Variants in PLPPR3 observed in about 807,000 individuals in gnomAD.
PLPPR3 encodes the protein phospholipid phosphatase-related protein type 3.
In PLPPR3, 14 loss-of-function variants were observed where a neutral mutation model predicts 27.3. That is an observed-to-expected ratio of 0.51 (90% CI 0.34 to 0.80). The LOEUF (loss-of-function observed/expected upper bound fraction) is 0.80, where lower values mean the gene tolerates loss of function less well. PLPPR3 is among the 30% of genes least tolerant of loss of function. The pLI, the probability that PLPPR3 is intolerant of heterozygous loss-of-function variation, is 0.01. For synonymous variants in PLPPR3, 671 were observed against 508.0 expected (o/e 1.32, Z -4.32); for missense variants, 1,287 against 1,056.9 (o/e 1.22, Z -3.02).
Position 813,915 on chromosome 19 carries a change from G to A in PLPPR3, c.832-20C>T. 7.0e-7 allele frequency: 1 copy of A among 1,422,786 alleles called. No individual in the cohort carries two copies. The highest frequency in any genetic ancestry group is 9.1e-7 in the Non-Finnish European group (1 of 1,095,962). The allele number at this position is 1,422,786 out of a possible 1,614,324, so 88.1% of individuals were successfully genotyped here. On this transcript the variant is annotated intron_variant, in intron 7 of 7. Transcript: ENST00000520876. The surrounding 1 kb of genome is among the most constrained non-coding windows in gnomAD (Gnocchi z 4.1). ...GCAGGCCTGTCGGGGAGAGGGGTCTGGGGGTGAGGCCTGGGGCTCAGAGGG... is the reference window on the plus strand; with the variant it reads ...GCAGGCCTGTCGGGGAGAGGGGTCTAGGGGTGAGGCCTGGGGCTCAGAGGG...
chr19:814,144 G>A (rs535132320), intron 7 of PLPPR3, among the ~76,000 whole-genome samples: 12 of 151,980 alleles, frequency 7.9e-5, no homozygotes, highest in African/African-American at 2.7e-4. Context: ...AGACCCCTTC[G>A]GGACCCACGT....
chr19:822,640 T>A (rs112560887), upstream of PLPPR3, among the ~76,000 whole-genome samples: 11,640 of 152,182 alleles, frequency 0.076, 626 homozygotes, highest in Middle Eastern at 0.11. Flanking sequence ...GGCTGCGGGA[T>A]GCGGGCAGGG....
Position 812,947 on chromosome 19 carries a change from G to A in PLPPR3, c.1780C>T (p.His594Tyr), listed in dbSNP as rs750432427. 1 of 1,400,214 alleles carries A rather than the reference G, an allele frequency of 7.1e-7. No homozygotes were observed. Among genetic ancestry groups the A allele is most frequent in the South Asian group, 1.4e-5 (1 of 72,840 alleles). 86.7% of individuals were successfully genotyped at this position (1,400,214 alleles called of 1,614,324 possible). A position where few individuals can be genotyped will look rare whatever the true frequency, so the allele number is the denominator to read the frequency against. The change falls in exon 8 of 8, where the codon CAC (histidine) becomes TAC (tyrosine). Residue 594 changes from histidine to tyrosine, a missense_variant. His to Tyr is a moderately conservative substitution (Grantham distance 83). Coordinates refer to ENST00000520876, the MANE Select transcript of PLPPR3 (RefSeq NM_001270366.2). ...DAHAPHHPVVHLSAGGAPWEW... is the reference protein window; with the variant it reads ...DAHAPHHPVVYLSAGGAPWEW... ...CAGGGCGCGCCGCCGGCCGACAGGT[G>A]CACCACGGGGTGGTGCGGCGCGTGC...
In PLPPR3 at chr19:813,371, C is replaced by T. The variant is rs1207473854; in HGVS notation, c.1356G>A (p.Glu452=). ...EEEEEEDEEE[E]EEEEEEEDEG... ...CGTCCTCCTCCTCTTCCTCCTCCTC[C>T]TCTTCCTCTTCGTCCTCCTCCTCTT... The change falls in exon 8 of 8, where the codon GAG becomes GAA. Residue 452 remains glutamate, a synonymous_variant. Transcript: ENST00000520876. This position sits in a 1 kb window ranked among gnomAD's most constrained non-coding sequence, Gnocchi z 4.1. 2.0e-6 allele frequency: 3 copies of T among 1,494,922 alleles called. No individual in the cohort carries two copies. The highest frequency in any genetic ancestry group is 2.5e-5 in the East Asian group (1 of 39,284). The allele number at this position is 1,494,922 out of a possible 1,614,324, so 92.6% of individuals were successfully genotyped here. A position where few individuals can be genotyped will look rare whatever the true frequency, so the allele number is the denominator to read the frequency against.
Position 812,820 on chromosome 19 carries a change from C to A in PLPPR3, c.1907G>T (p.Gly636Val). ...GCTGACCGACGAGCCGGGGGACACG[C>A]CCGGGGGCTTGGCCCCGCCGCGGAA... Reference protein sequence around the residue: ...RGFRGGAKPPGVSPGSSVSDV... With the variant: ...RGFRGGAKPPVVSPGSSVSDV... Residue 636 changes from glycine to valine, a missense_variant, in exon 8 of 8, where the codon GGC (glycine) becomes GTC (valine). Gly to Val is a moderately radical substitution (Grantham distance 109, BLOSUM62 -3). Coordinates refer to ENST00000520876, the MANE Select transcript of PLPPR3 (RefSeq NM_001270366.2). The A allele has an allele frequency of 9.0e-7, 1 of 1,107,694 alleles. No homozygotes were observed. The highest frequency in any genetic ancestry group is 3.5e-5 in the South Asian group (1 of 28,268). The allele number at this position is 1,107,694 out of a possible 1,614,324, so 68.6% of individuals were successfully genotyped here. A position where few individuals can be genotyped will look rare whatever the true frequency, so the allele number is the denominator to read the frequency against.
Position 814,716 on chromosome 19 carries a change from T to C in PLPPR3, c.633A>G (p.Ser211=), listed in dbSNP as rs370872033. The C allele has an allele frequency of 6.3e-6, 10 of 1,589,770 alleles. No homozygotes were observed. The South Asian group carries it at 1.0e-4, about 16-fold the overall frequency. ...CCGACACATAGACCGCGGCGAAGGC[T>C]GACAGCGTGGCGTGCTGGGACGGGA... ...KTFPSQHATL[S]AFAAVYVSMY... is the part of the protein sequence containing the mutation. The change falls in exon 6 of 8, where the codon TCA becomes TCG. Residue 211 remains serine, a synonymous_variant. Transcript: ENST00000520876.
intron 2 of PLPPR3, among the ~76,000 whole-genome samples, chr19:818,926 T>C (rs2035103995): frequency 6.6e-6 from 1 of 150,428 alleles, no homozygotes; most frequent in African/African-American, 2.5e-5. Flanking sequence ...CCCAAAGCAC[T>C]GGAATTACAG....
rs371525827 is a variant in PLPPR3, at chr19:814,996, G to T, written c.489C>A (p.Leu163=). 1.6e-5 allele frequency: 25 copies of T among 1,612,234 alleles called. No individual in the cohort carries two copies. In the East Asian group the frequency reaches 2.2e-4, roughly 14 times the overall value. The part of the protein sequence containing the change: ...LATGYHTPFF[L]TVCKPNYTLL... ...GAGTGTAGTTGGGCTTGCAGACGGT[G>T]AGGAAGAAGGGAGTGTGGTAACCCG... Residue 163 remains leucine (L), a synonymous_variant, in exon 5 of 8, where the codon CTC becomes CTA. Coordinates refer to ENST00000520876, the MANE Select transcript of PLPPR3 (RefSeq NM_001270366.2).
Position 815,869 on chromosome 19 carries a change from G to C in PLPPR3, c.76-18C>G. 6.2e-7 allele frequency: 1 copy of C among 1,610,114 alleles called. No individual in the cohort carries two copies. The highest frequency in any genetic ancestry group is 8.5e-7 in the Non-Finnish European group (1 of 1,178,402). ...ATGGGCAGCTGTGGGGACAAGGTGG[G>C]CCAGGTTCACCCTGCTCTCCCTCGC... On this transcript the variant is annotated intron_variant, in intron 2 of 7. Coordinates refer to ENST00000520876, the MANE Select transcript of PLPPR3 (RefSeq NM_001270366.2).
At position 814,738 on chromosome 19, in the gene PLPPR3, G is replaced by A. The variant is rs1466127951; in HGVS notation, c.611C>T (p.Pro204Leu). The A allele has an allele frequency of 6.3e-6, 10 of 1,575,782 alleles. No individual in the cohort carries two copies. Among genetic ancestry groups the A allele is most frequent in the South Asian group, 3.4e-5 (3 of 87,434 alleles). ...HAILSARKTF[P>L]SQHATLSAFA... ...GGCTGACAGCGTGGCGTGCTGGGAC[G>A]GGAAGGTCTTCCTGTAAGAGGCGTC... The change falls in exon 6 of 8, where the codon CCG becomes CTG. Residue 204 changes from proline (P) to leucine (L), a missense_variant. Pro to Leu is a moderately conservative substitution (Grantham distance 98). Transcript: ENST00000520876.
At chr19:822,830 C>G (rs1041709577), upstream of PLPPR3, among the ~76,000 whole-genome samples, 12 of 152,182 alleles carry the variant, frequency 7.9e-5, no homozygotes, top group African/African-American at 2.9e-4. Context: ...TTACAAAAAT[C>G]GGTTTTTGGG....
upstream of PLPPR3, among the ~76,000 whole-genome samples, chr19:822,632 C>A (rs539163576): frequency 6.6e-6 from 1 of 152,194 alleles, no homozygotes; most frequent in African/African-American, 2.4e-5. Flanking sequence ...GGGCTGGGGG[C>A]TGCGGGATGC....
At position 813,984 on chromosome 19, in the gene PLPPR3, C is replaced by T. The variant is rs963550049; in HGVS notation, c.832-89G>A. The T allele has an allele frequency of 3.7e-5, 49 of 1,324,796 alleles. No individual in the cohort carries two copies. The highest frequency in any genetic ancestry group is 4.5e-5 in the Non-Finnish European group (46 of 1,014,136). 82.1% of individuals were successfully genotyped at this position (1,324,796 alleles called of 1,614,324 possible). A position where few individuals can be genotyped will look rare whatever the true frequency, so the allele number is the denominator to read the frequency against. ...TGGACTTGCCGCGGGGGGCTCTGGACCGGGGGTGGGGGCTGGCAAGCTCTT... is the reference window on the plus strand; with the variant it reads ...TGGACTTGCCGCGGGGGGCTCTGGATCGGGGGTGGGGGCTGGCAAGCTCTT... On this transcript the variant is annotated intron_variant, in intron 7 of 7. Coordinates refer to ENST00000520876, the MANE Select transcript of PLPPR3 (RefSeq NM_001270366.2). The surrounding 1 kb of genome is among the most constrained non-coding windows in gnomAD (Gnocchi z 4.1).
Position 813,846 on chromosome 19 carries a change from G to A in PLPPR3, c.881C>T (p.Ala294Val), listed in dbSNP as rs545727080. 3.4e-6 allele frequency: 5 copies of A among 1,468,456 alleles called. No individual in the cohort carries two copies. In the East Asian group the frequency reaches 7.7e-5, roughly 23 times the overall value. The allele number at this position is 1,468,456 out of a possible 1,614,324, so 91.0% of individuals were successfully genotyped here. A position where few individuals can be genotyped will look rare whatever the true frequency, so the allele number is the denominator to read the frequency against. Residue 294 changes from alanine (A) to valine (V), a missense_variant, in exon 8 of 8, where the codon GCG becomes GTG. Coordinates refer to ENST00000520876, the MANE Select transcript of PLPPR3 (RefSeq NM_001270366.2). The surrounding 1 kb of genome is among the most constrained non-coding windows in gnomAD (Gnocchi z 4.1). ...NFQAPPAEKP[A>V]APAPAKDALR... ...CGCGTCCTTGGCGGGGGCCGGGGCC[G>A]CGGGCTTCTCTGCAGGTGGGGCCTG...
chr19:814,924 G>T lies in PLPPR3; in HGVS notation c.561C>A (p.Ile187=), dbSNP rs1157042275. The part of the protein sequence containing the change: ...CEVNPYITQD[I]CSGHDIHAIL... ...TGGCGTGGATGTCGTGGCCGGAGCA[G>T]ATGTCCTGCGTGATGTAGGGGTTGA... Residue 187 remains isoleucine (I), a synonymous_variant, in exon 5 of 8, where the codon ATC becomes ATA. Transcript: ENST00000520876. The T allele has an allele frequency of 8.1e-6, 13 of 1,611,972 alleles. No individual in the cohort carries two copies. The highest frequency in any genetic ancestry group is 1.1e-5 in the Non-Finnish European group (13 of 1,179,938).
chr19:821,983 A>T, upstream of PLPPR3: 1 of 129,444 alleles, frequency 7.7e-6, no homozygotes, highest in Non-Finnish European at 1.7e-5. Flanking sequence ...CGGGAAGGGG[A>T]GGGGGACGGG....
upstream of PLPPR3, among the ~76,000 whole-genome samples, chr19:823,450 A>AACAAAAAAAAAAC (rs1555703880): frequency 1.4e-5 from 2 of 143,838 alleles, no homozygotes; most frequent in African/African-American, 5.1e-5. Flanking sequence ...TCAAAAAAAA[A>AACAAAAAAAAAAC]AAAAAAAACA....
intron 2 of PLPPR3, among the ~76,000 whole-genome samples, chr19:817,551 G>A (rs2035080810): frequency 6.6e-6 from 1 of 152,252 alleles, no homozygotes; most frequent in Non-Finnish European, 1.5e-5. Context: ...TGGGATTACA[G>A]GCATGAGTGA....
At chr19:819,006 T>C (rs1451170477) in intron 2 of PLPPR3, among the ~76,000 whole-genome samples, 1 of 105,946 alleles carries the variant, frequency 9.4e-6, no homozygotes, top group Non-Finnish European at 1.8e-5. Flanking sequence ...AGATGGAGTC[T>C]TGCTCTCTTG....
Sources: allele counts gnomAD v4.1 joint callset (sites outside exome capture counted in the v4.1 genomes callset), GRCh38; gene constraint gnomAD v4.1.1; non-coding constraint Gnocchi (gnomAD v3.1); transcripts MANE v1.5; gene names NCBI Gene and HGNC (gene_info 2026-07-23, HGNC 2026-07-21).